Variants in ETV1 observed in about 807,000 individuals in gnomAD.
The protein encoded by ETV1 is ETS variant transcription factor 1, also known as ETS translocation variant 1.
A neutral mutation model predicts 62.3 loss-of-function variants in ETV1; 27 were observed. The observed-to-expected ratio is 0.43, with a 90% CI of 0.32 to 0.60. The LOEUF (loss-of-function observed/expected upper bound fraction) is 0.60. ETV1 is among the 20% of genes least tolerant of loss of function. The pLI, the probability that ETV1 is intolerant of heterozygous loss-of-function variation, is 0.06. For missense variants in ETV1, 605 were observed against 605.8 expected, an observed-to-expected ratio of 1.00 and a Z score of 0.01; for synonymous variants, 222 against 199.6, an observed-to-expected ratio of 1.11 and a Z score of -0.94.
intron 9 of ETV1, among the ~76,000 whole-genome samples, chr7:13,924,819 G>A (rs1033143065): frequency 6.6e-6 from 1 of 152,202 alleles, no homozygotes; most frequent in Non-Finnish European, 1.5e-5. Flanking sequence ...GTGTGGAGAA[G>A]TTTGAAGTAG....
intron 12 of ETV1, among the ~76,000 whole-genome samples, 169 bp from the exon 13 acceptor site, chr7:13,901,008 T>C (rs1018076151): frequency 1.4e-5 from 2 of 147,650 alleles, no homozygotes; most frequent in Admixed American, 6.7e-5. Context: ...TGGTTTGCTT[T>C]TTTTTTTTTT....
rs922082943 is a variant in ETV1 at position 13,893,457 on chromosome 7, T to A, written c.*2409A>T. ...AATGTTGGTCAATTATGTATTTAGT[T>A]CAGTGAGTCACTACGTTAAAACAGC... On this transcript the variant is annotated 3_prime_UTR_variant, in exon 14 of 14. Coordinates refer to ENST00000430479, the MANE Select transcript of ETV1 (RefSeq NM_004956.5). 4.3e-6 allele frequency: 1 copy of A among 230,934 alleles called. No homozygotes were observed. The highest frequency in any genetic ancestry group is 2.2e-5 in the African/African-American group (1 of 45,262). 14.3% of individuals were successfully genotyped at this position (230,934 alleles called of 1,614,324 possible). A position where few individuals can be genotyped will look rare whatever the true frequency, so the allele number is the denominator to read the frequency against.
At chr7:13,920,283 C>T (rs553345801) in intron 9 of ETV1, among the ~76,000 whole-genome samples, 6 of 152,274 alleles carry the variant, frequency 3.9e-5, no homozygotes, top group East Asian at 1.9e-4. Flanking sequence ...ATTCACTATA[C>T]ATTAGGAACA....
chr7:13,945,947 C>A (rs1283492370), intron 6 of ETV1, among the ~76,000 whole-genome samples: 1 of 152,172 alleles, frequency 6.6e-6, no homozygotes, highest in African/African-American at 2.4e-5. Context: ...TCGTTGAACA[C>A]GGCTCCAGCC....
chr7:13,977,558 C>G, intron 5 of ETV1, 78 bp from the exon 6 acceptor site: 2 of 942,948 alleles, frequency 2.1e-6, no homozygotes. Context: ...TAAAATCTGT[C>G]AAGTAAGATC....
At chr7:13,909,528 G>A (rs1783347014) in intron 11 of ETV1, 104 bp downstream of exon 11, 1 of 820,734 alleles carries the variant, frequency 1.2e-6, no homozygotes, top group African/African-American at 1.7e-5. Flanking sequence ...TGAATTATGT[G>A]CATAGGAATC....
At chr7:13,919,842 T>G (rs1482679080) in intron 9 of ETV1, among the ~76,000 whole-genome samples, 3 of 151,926 alleles carry the variant, frequency 2.0e-5, no homozygotes, top group Non-Finnish European at 1.5e-5. Context: ...TGTTCCCTTC[T>G]TTTGTTCATA....
intron 3 of ETV1, chr7:13,988,725 G>C: frequency 4.3e-6 from 7 of 1,612,278 alleles, no homozygotes; most frequent in Non-Finnish European, 5.9e-6. Flanking sequence ...AAAACTTTGA[G>C]TGCAGCAGCT....
intron 6 of ETV1, among the ~76,000 whole-genome samples, chr7:13,960,197 C>A (rs991095980): frequency 6.6e-6 from 1 of 152,106 alleles, no homozygotes; most frequent in African/African-American, 2.4e-5. Flanking sequence ...CAGTATGTGG[C>A]AGCAGTAATG....
chr7:13,955,619 A>C (rs1174502480), intron 6 of ETV1, among the ~76,000 whole-genome samples: 1 of 152,162 alleles, frequency 6.6e-6, no homozygotes, highest in Non-Finnish European at 1.5e-5. Context: ...CACAGTGAGG[A>C]GACACTGTGT....
At chr7:13,916,592 C>T (rs547531377) in intron 9 of ETV1, among the ~76,000 whole-genome samples, 5 of 151,992 alleles carry the variant, frequency 3.3e-5, no homozygotes, top group South Asian at 2.1e-4. Flanking sequence ...AAGCCGAGAT[C>T]GCGCCACTGC....
chr7:13,988,597 A>AT (rs1782774456), intron 3 of ETV1: 1 of 766,508 alleles, frequency 1.3e-6, no homozygotes, highest in African/African-American at 4.2e-5. Flanking sequence ...AGAGAAATGA[A>AT]AAAAAAAAAA....
intron 6 of ETV1, 110 bp downstream of exon 6, chr7:13,977,317 T>C: frequency 1.5e-6 from 1 of 663,536 alleles, no homozygotes. Context: ...AAAAAGGTGC[T>C]GGTACAATGT....
At chr7:13,985,302 A>G (rs1330420394) in intron 5 of ETV1, 1 of 152,136 alleles carries the variant, frequency 6.6e-6, no homozygotes, top group Non-Finnish European at 1.5e-5. Context: ...TTTCATTTAC[A>G]CAGACTAGCA....
intron 6 of ETV1, among the ~76,000 whole-genome samples, chr7:13,970,878 A>G (rs981889705): frequency 6.6e-6 from 1 of 152,148 alleles, no homozygotes; most frequent in Non-Finnish European, 1.5e-5. Context: ...CAGTTTTTTT[A>G]GAAGCAGATT....
Position 13,899,223 on chromosome 7 carries a change from T to C in ETV1, c.1212+1515A>G, listed in dbSNP as rs139690332. On this transcript the variant is annotated intron_variant, in intron 13 of 13. Coordinates refer to ENST00000430479, the MANE Select transcript of ETV1 (RefSeq NM_004956.5). ...GGTGAAAAGAAAGGAATGGAATGTA[T>C]TTGAAGGATCTTACTACAAAAAGGT... Among the ~76,000 whole-genome samples, 3 of 152,244 alleles carry C rather than the reference T, an allele frequency of 2.0e-5. No individual in the cohort carries two copies. In the East Asian group the frequency reaches 5.8e-4, roughly 29 times the overall value.
At chr7:13,909,807 C>A in intron 10 of ETV1, 107 bp from the exon 11 acceptor site, 1 of 943,170 alleles carries the variant, frequency 1.1e-6, no homozygotes, top group Admixed American at 2.0e-5. Context: ...GACTCTGCCA[C>A]CACCTTTCAG....
intron 5 of ETV1, among the ~76,000 whole-genome samples, chr7:13,981,518 TACATACATACATAC>T (rs577765573): frequency 7.4e-6 from 1 of 134,932 alleles, no homozygotes; most frequent in African/African-American, 2.8e-5. Flanking sequence ...CATACATACA[TACATACATACATAC>T]ATATATATAT....
At chr7:13,922,954 G>C (rs181290999) in intron 9 of ETV1, among the ~76,000 whole-genome samples, 25 of 152,222 alleles carry the variant, frequency 1.6e-4, no homozygotes, top group Non-Finnish European at 3.2e-4. Flanking sequence ...GCAATAAATT[G>C]TTTTTTAAGG....
Sources: gnomAD v4.1 joint callset for allele counts (sites outside exome capture counted in the v4.1 genomes callset) on GRCh38, gnomAD v4.1.1 for gene constraint, MANE v1.5 for transcripts, NCBI Gene and HGNC (gene_info 2026-07-23, HGNC 2026-07-21) for gene names.